ARHGEF26: variants seen among roughly 807,000 people sequenced by gnomAD.
ARHGEF26 encodes the protein Rho guanine nucleotide exchange factor (GEF) 26.
In ARHGEF26, 59 loss-of-function variants were observed where a neutral mutation model predicts 89.4. The ratio of observed to expected loss-of-function variants is 0.66; its 90% CI spans 0.54 to 0.82. The LOEUF is 0.82. Ranked by LOEUF, ARHGEF26 falls within the 40% of genes least tolerant of loss-of-function variation. ARHGEF26 has a pLI of 0.00. For synonymous variants in ARHGEF26, 500 were observed against 428.4 expected, an observed-to-expected ratio of 1.17 and a Z score of -2.06; for missense variants, 1,234 against 1,085.6, an observed-to-expected ratio of 1.14 and a Z score of -1.92.
chr3:154,121,341 C>T (rs990433467), upstream of ARHGEF26: 2 of 152,010 alleles, frequency 1.3e-5, no homozygotes, highest in Non-Finnish European at 2.9e-5. Flanking sequence ...CTGGGCGGGG[C>T]CGAAACGGGG....
intron 11 of ARHGEF26, among the ~76,000 whole-genome samples, chr3:154,239,291 AGAGAGAGAG>A (rs1218050754): frequency 1.6e-5 from 1 of 61,808 alleles, no homozygotes; most frequent in African/African-American, 5.4e-5. Flanking sequence ...AGAGAGAGAG[AGAGAGAGAG>A]TGTGTGTGTG....
rs1718516977 is a variant in ARHGEF26, at chr3:154,256,560, A to AC, written c.*1087_*1088insC. Reference sequence around the variant, plus strand: ...CTTTCTAATTAATTAAAAAAAAAAAAAAAAAAAAAAAAAAACCTTCCCAAA... The same window carrying AC: ...CTTTCTAATTAATTAAAAAAAAAAAACAAAAAAAAAAAAAAACCTTCCCAAA... On this transcript the variant is annotated 3_prime_UTR_variant, in exon 15 of 15. Coordinates refer to ENST00000465093, the MANE Select transcript of ARHGEF26 (RefSeq NM_015595.4). The AC allele has an allele frequency of 2.0e-6, 2 of 995,164 alleles. No homozygotes were observed. The highest frequency in any genetic ancestry group is 2.4e-6 in the Non-Finnish European group (2 of 836,968). The allele number at this position is 995,164 out of a possible 1,614,324, so 61.6% of individuals were successfully genotyped here.
intron 6 of ARHGEF26, among the ~76,000 whole-genome samples, chr3:154,181,310 T>C (rs994631939): frequency 2.0e-5 from 3 of 152,170 alleles, no homozygotes; most frequent in African/African-American, 7.2e-5. Context: ...AACAACAACT[T>C]AGACATGTGA....
intron 5 of ARHGEF26, among the ~76,000 whole-genome samples, chr3:154,152,268 TAGTC>T (rs1358459776): frequency 6.6e-6 from 1 of 152,186 alleles, no homozygotes. Context: ...GACTGAAAAT[TAGTC>T]AGATTAAGCA....
chr3:154,161,097 G>GGGTGTGT (rs1374302431), intron 6 of ARHGEF26, among the ~76,000 whole-genome samples: 22 of 21,120 alleles, frequency 1.0e-3, no homozygotes, highest in African/African-American at 6.6e-3. Context: ...CTGGTAGCCA[G>GGGTGTGT]GTTTGTGTGT....
chr3:154,186,167 C>CACACACACACACA (rs1170023336), intron 6 of ARHGEF26, among the ~76,000 whole-genome samples: 2 of 47,066 alleles, frequency 4.2e-5, no homozygotes, highest in Admixed American at 4.3e-4. Flanking sequence ...ACACACACAC[C>CACACACACACACA]CCTATACACA....
intron 5 of ARHGEF26, among the ~76,000 whole-genome samples, chr3:154,150,137 C>CT (rs11415597): frequency 0.87 from 120,072 of 137,438 alleles, 52,327 homozygotes; most frequent in South Asian, 0.96. Flanking sequence ...CAAGGATGTC[C>CT]TTTTTTTTTT....
At chr3:154,248,104 A>C (rs1396131232) in intron 12 of ARHGEF26, among the ~76,000 whole-genome samples, 1 of 152,224 alleles carries the variant, frequency 6.6e-6, no homozygotes, top group African/African-American at 2.4e-5. Context: ...ATTTGGGTGT[A>C]GTGTATACCG....
chr3:154,187,720 A>C lies in ARHGEF26; in HGVS notation c.1523A>C (p.Asn508Thr). ...FIELEARHQN[N>T]IFIDDISDIV... ...GAGTTGGAAGCAAGACATCAGAATA[A>C]TATCTTCATAGATGACATAAGTGAC... The change falls in exon 7 of 15, where the codon AAT becomes ACT. Residue 508 changes from asparagine (N) to threonine (T), a missense_variant. Transcript: ENST00000465093. 1 of 1,610,810 alleles carries C rather than the reference A, an allele frequency of 6.2e-7. No homozygotes were observed. Among genetic ancestry groups the C allele is most frequent in the Non-Finnish European group, 8.5e-7 (1 of 1,178,322 alleles).
chr3:154,129,861 G>A (rs754570504), intron 4 of ARHGEF26, 142 bp downstream of exon 4: 39 of 1,029,918 alleles, frequency 3.8e-5, no homozygotes, highest in Middle Eastern at 2.7e-4. Context: ...AATGTTTCTC[G>A]GAACTCTGCC....
intron 9 of ARHGEF26, among the ~76,000 whole-genome samples, chr3:154,212,320 C>T (rs1172420626): frequency 7.2e-5 from 10 of 139,802 alleles, no homozygotes; most frequent in African/African-American, 1.4e-4. Context: ...ACAACCTGGG[C>T]GACAGAGCAA....
At chr3:154,251,947 T>TAAAAA (rs1718182501) in intron 12 of ARHGEF26, among the ~76,000 whole-genome samples, 1 of 152,138 alleles carries the variant, frequency 6.6e-6, no homozygotes, top group South Asian at 2.1e-4. Flanking sequence ...TTATGTATGT[T>TAAAAA]AAGAAATTTT....
At position 154,122,001 on chromosome 3, in the gene ARHGEF26, C is replaced by G. The variant is rs769226137; in HGVS notation, c.9C>G (p.Gly3=). 4.4e-6 allele frequency: 7 copies of G among 1,590,670 alleles called. No individual in the cohort carries two copies. The South Asian group carries it at 6.7e-5, about 15-fold the overall frequency. MD[G]ESEVDFSSNS... is the part of the protein sequence containing the mutation. ...GACTTCGAGGCCCGGCTATGGACGG[C>G]GAGAGCGAGGTGGATTTTTCTAGCA... The change falls in exon 2 of 15, where the codon GGC becomes GGG. Residue 3 remains glycine (G), a synonymous_variant. Transcript: ENST00000465093.
At chr3:154,125,883 A>C (rs565784841) in intron 3 of ARHGEF26, among the ~76,000 whole-genome samples, 1 of 152,230 alleles carries the variant, frequency 6.6e-6, no homozygotes, top group South Asian at 2.1e-4. Context: ...AATGGTGAGA[A>C]TCTGTGATAT....
At chr3:154,242,802 C>T (rs925860329) in intron 12 of ARHGEF26, among the ~76,000 whole-genome samples, 6 of 152,018 alleles carry the variant, frequency 3.9e-5, no homozygotes, top group Non-Finnish European at 7.4e-5. Context: ...GCAACCATCA[C>T]CCTAGTCAGC....
At chr3:154,237,996 G>A (rs1197827509) in intron 11 of ARHGEF26, among the ~76,000 whole-genome samples, 1 of 152,050 alleles carries the variant, frequency 6.6e-6, no homozygotes, top group Non-Finnish European at 1.5e-5. Context: ...TTGTTGTTGA[G>A]GTTTTGTTAT....
At chr3:154,131,258 C>T (rs1718669830) in intron 4 of ARHGEF26, among the ~76,000 whole-genome samples, 1 of 152,118 alleles carries the variant, frequency 6.6e-6, no homozygotes, top group South Asian at 2.1e-4. Flanking sequence ...AGTGCAGGGG[C>T]TCAGTGTGAC....
In ARHGEF26 at chr3:154,172,191, A is replaced by G. The variant is rs185314184; in HGVS notation, c.1488-15494A>G. 1.9e-3 allele frequency among the ~76,000 whole-genome samples: 296 copies of G among 152,324 alleles called. 2 individuals carry two copies. The highest frequency in any genetic ancestry group is 3.5e-3 in the South Asian group (17 of 4,828). On this transcript the variant is annotated intron_variant, in intron 6 of 14. Coordinates refer to ENST00000465093, the MANE Select transcript of ARHGEF26 (RefSeq NM_015595.4). ...ACTTTTGGAACTCTGGAGTCATGGC[A>G]TGGCCCCTGTGCCTTCCAGAAGATT...
At chr3:154,142,319 T>C (rs1719434843) in intron 4 of ARHGEF26, among the ~76,000 whole-genome samples, 1 of 152,122 alleles carries the variant, frequency 6.6e-6, no homozygotes, top group African/African-American at 2.4e-5. Context: ...CCACTTGCCT[T>C]GGCCTCCCAA....
Sources: allele counts gnomAD v4.1 joint callset (sites outside exome capture counted in the v4.1 genomes callset), GRCh38; gene constraint gnomAD v4.1.1; transcripts MANE v1.5; gene names NCBI Gene and HGNC (gene_info 2026-07-23, HGNC 2026-07-21).